Variants in WNK3 observed in about 807,000 individuals in gnomAD.
WNK3 encodes serine/threonine-protein kinase WNK3.
Under a neutral mutation model 116.7 loss-of-function variants are expected in WNK3, and 18 were observed. That is an observed-to-expected ratio of 0.15 (90% CI 0.11 to 0.23). WNK3 has a LOEUF of 0.23. Ranked by LOEUF, WNK3 falls within the 10% of genes least tolerant of loss-of-function variation. The pLI is 1.00. For synonymous variants in WNK3, 404 were observed against 469.4 expected, an observed-to-expected ratio of 0.86 and a Z score of 1.80; for missense variants, 993 against 1,323.8, an observed-to-expected ratio of 0.75 and a Z score of 3.88.
At chrX:54,247,321 T>G (rs1557152888) in intron 17 of WNK3, among the ~76,000 whole-genome samples, 1 of 111,152 alleles carries the variant, frequency 9.0e-6, no homozygotes, top group Admixed American at 9.6e-5. Flanking sequence ...TATTTATTAT[T>G]TAAAATAATT....
intron 22 of WNK3, among the ~76,000 whole-genome samples, chrX:54,224,724 C>A (rs2067813084): frequency 9.1e-6 from 1 of 109,766 alleles, no homozygotes; most frequent in Admixed American, 9.8e-5. Context: ...CGCCCGCCAC[C>A]ACACTGGGCT....
chrX:54,301,760 A>G lies in WNK3; in HGVS notation c.1178+11T>C. 2 of 1,197,591 alleles carry G rather than the reference A, an allele frequency of 1.7e-6. No individual in the cohort carries two copies. The highest frequency in any genetic ancestry group is 1.1e-6 in the Non-Finnish European group (1 of 884,304). ...CTTTCAGTTATGTCATTTTGCTACAATTGCACCCACCTTTCAGATTTGTTT... is the reference window on the plus strand; with the variant it reads ...CTTTCAGTTATGTCATTTTGCTACAGTTGCACCCACCTTTCAGATTTGTTT... On this transcript the variant is annotated intron_variant, in intron 6 of 23. Coordinates refer to ENST00000354646, the Ensembl canonical transcript of WNK3.
intron 18 of WNK3, 47 bp downstream of exon 18, chrX:54,238,819 ATG>A: frequency 1.0e-6 from 1 of 964,486 alleles, no homozygotes; most frequent in African/African-American, 2.0e-5. Context: ...AAATAAGTAA[ATG>A]AAAAGTGATG....
At chrX:54,242,678 A>G (rs1486870211) in intron 17 of WNK3, among the ~76,000 whole-genome samples, 3 of 112,386 alleles carry the variant, frequency 2.7e-5, no homozygotes, top group Non-Finnish European at 5.6e-5. Context: ...AATGGGGGAA[A>G]GAATAGTTTC....
intron 22 of WNK3, among the ~76,000 whole-genome samples, chrX:54,212,361 T>A (rs781986772): frequency 2.2e-4 from 24 of 111,463 alleles, no homozygotes; most frequent in Non-Finnish European, 4.0e-4. Context: ...ATAGAATGTA[T>A]TTGTCAAAAT....
chrX:54,211,799 C>T (rs782223868), intron 22 of WNK3, among the ~76,000 whole-genome samples: 3 of 110,402 alleles, frequency 2.7e-5, no homozygotes, highest in Non-Finnish European at 3.8e-5. Context: ...CAGGACGAGA[C>T]TCTGCCTCAA....
intron 2 of WNK3, among the ~76,000 whole-genome samples, chrX:54,328,972 C>A (rs2069136899): frequency 9.0e-6 from 1 of 111,455 alleles, no homozygotes; most frequent in Non-Finnish European, 1.9e-5. Context: ...AACTTTTAAA[C>A]AGTAAGTTCC....
intron 10 of WNK3, among the ~76,000 whole-genome samples, chrX:54,262,126 C>T (rs1557156788): frequency 8.9e-6 from 1 of 111,890 alleles, no homozygotes; most frequent in Admixed American, 9.5e-5. Context: ...GTTTTCCTAA[C>T]ATGGCTGTGA....
At chrX:54,348,247 GCTTACTGCAAC>G (rs1237067772) in intron 1 of WNK3, among the ~76,000 whole-genome samples, 1 of 109,881 alleles carries the variant, frequency 9.1e-6, no homozygotes, top group East Asian at 2.9e-4. Context: ...CGTGATCTCA[GCTTACTGCAAC>G]CTCCACCTCC....
At chrX:54,243,896 G>T (rs377039935) in intron 17 of WNK3, among the ~76,000 whole-genome samples, 4 of 111,995 alleles carry the variant, frequency 3.6e-5, no homozygotes, top group African/African-American at 1.3e-4. Context: ...ACAAACCAAT[G>T]AATGGATAAA....
chrX:54,213,566 A>C (rs1260765468), intron 22 of WNK3, among the ~76,000 whole-genome samples: 11 of 74,276 alleles, frequency 1.5e-4, no homozygotes, highest in Non-Finnish European at 2.8e-4. Context: ...AAAAAAAAAC[A>C]AACAAAAAAA....
chrX:54,199,562 G>A (rs782112932), intron 23 of WNK3, among the ~76,000 whole-genome samples: 1 of 112,066 alleles, frequency 8.9e-6, no homozygotes, highest in South Asian at 3.7e-4. Context: ...GGCTGGGCGC[G>A]GTGGCTCACG....
At chrX:54,345,047 A>G (rs2069395249) in intron 1 of WNK3, among the ~76,000 whole-genome samples, 3 of 109,697 alleles carry the variant, frequency 2.7e-5, no homozygotes, top group Non-Finnish European at 5.7e-5. Flanking sequence ...CAGGAGGTCC[A>G]GATCATCCTG....
At chrX:54,265,990 C>T (rs782777577) in intron 10 of WNK3, among the ~76,000 whole-genome samples, 1 of 107,987 alleles carries the variant, frequency 9.3e-6, no homozygotes, top group East Asian at 2.9e-4. Context: ...CCAGCCTGGA[C>T]AAGACAGCGA....
At chrX:54,245,628 T>C in intron 17 of WNK3, among the ~76,000 whole-genome samples, 1 of 112,166 alleles carries the variant, frequency 8.9e-6, no homozygotes, top group Non-Finnish European at 1.9e-5. Context: ...ATAAAGATGA[T>C]AATAGCTAAC....
chrX:54,355,307 C>G (rs1249086181), intron 1 of WNK3, among the ~76,000 whole-genome samples: 1 of 111,331 alleles, frequency 9.0e-6, no homozygotes, highest in Non-Finnish European at 1.9e-5. Context: ...GTCTAGAAGT[C>G]AGAACTCCGG....
intron 10 of WNK3, among the ~76,000 whole-genome samples, chrX:54,261,994 G>A (rs1243330986): frequency 9.0e-6 from 1 of 111,417 alleles, no homozygotes; most frequent in Non-Finnish European, 1.9e-5. Flanking sequence ...TCCTACCAGA[G>A]GTTTGTGAAA....
At chrX:54,352,442 G>A (rs1265045318) in intron 1 of WNK3, among the ~76,000 whole-genome samples, 1 of 110,981 alleles carries the variant, frequency 9.0e-6, no homozygotes, top group African/African-American at 3.3e-5. Context: ...GAGAGGCTAA[G>A]GCAGGAGGAT....
chrX:54,248,985 G>A, exon 17 of WNK3: 2 of 1,211,838 alleles, frequency 1.7e-6, no homozygotes, highest in African/African-American at 1.7e-5. Flanking sequence ...GCTCCTGATA[G>A]AGCAAGTTTC....
Sources: allele counts gnomAD v4.1 joint callset (sites outside exome capture counted in the v4.1 genomes callset), GRCh38; gene constraint gnomAD v4.1.1; transcripts MANE v1.5; gene names NCBI Gene and HGNC (gene_info 2026-07-23, HGNC 2026-07-21).